Variants in PRDM16 observed in about 807,000 individuals in gnomAD.
PRDM16 encodes the protein PR/SET domain 16.
In PRDM16, 23 loss-of-function variants were observed where a neutral mutation model predicts 110.6. That is an observed-to-expected ratio of 0.21 (90% CI 0.15 to 0.29). The LOEUF is 0.29. Among genes scored for constraint, PRDM16 ranks in the 10% least tolerant of loss-of-function variants. PRDM16 has a pLI of 1.00. For synonymous variants in PRDM16, 799 were observed against 781.8 expected, an observed-to-expected ratio of 1.02 and a Z score of -0.37; for missense variants, 1,615 against 1,794.3, an observed-to-expected ratio of 0.90 and a Z score of 1.81.
At chr1:3,204,903 G>T (rs991848921) in intron 2 of PRDM16, among the ~76,000 whole-genome samples, 2 of 152,218 alleles carry the variant, frequency 1.3e-5, no homozygotes, top group Non-Finnish European at 2.9e-5. Flanking sequence ...CGTTGGGGGG[G>T]GCCCTCGCCG....
chr1:3,325,006 C>T, intron 3 of PRDM16, among the ~76,000 whole-genome samples: 1 of 152,166 alleles, frequency 6.6e-6, no homozygotes, highest in East Asian at 1.9e-4. Flanking sequence ...CCTGGTAGCG[C>T]ACAGTTTCTG....
intron 1 of PRDM16, among the ~76,000 whole-genome samples, chr1:3,185,657 A>G (rs1357541100): frequency 2.6e-5 from 4 of 152,228 alleles, no homozygotes; most frequent in African/African-American, 7.2e-5. Flanking sequence ...CCTGATTTCC[A>G]AGGCTATAGA....
At chr1:3,203,582 CG>C (rs140417015) in intron 2 of PRDM16, among the ~76,000 whole-genome samples, 26,147 of 151,366 alleles carry the variant, frequency 0.17, 3,909 homozygotes, top group African/African-American at 0.41. Flanking sequence ...TTTCTCTCCC[CG>C]GGGGGGCCAG....
chr1:3,226,767 G>A (rs1375065069), intron 2 of PRDM16, among the ~76,000 whole-genome samples: 2 of 152,178 alleles, frequency 1.3e-5, no homozygotes, highest in East Asian at 3.9e-4. Flanking sequence ...ATAAACCCCT[G>A]CACGCCTTCG....
intron 4 of PRDM16, among the ~76,000 whole-genome samples, chr1:3,386,152 C>CGGGGTGCCG (rs1391064294): frequency 1.3e-5 from 2 of 149,794 alleles, no homozygotes. Context: ...TCGGGGTGCC[C>CGGGGTGCCG]GGGGTGCCCG....
chr1:3,371,973 C>G (rs16823665), intron 3 of PRDM16, among the ~76,000 whole-genome samples: 7,116 of 150,540 alleles, frequency 0.047, 517 homozygotes, highest in African/African-American at 0.17. Flanking sequence ...GCACTGGCCT[C>G]TCCAGAGAAT....
At chr1:3,321,602 T>G (rs1453708118) in intron 3 of PRDM16, among the ~76,000 whole-genome samples, 3 of 142,736 alleles carry the variant, frequency 2.1e-5, no homozygotes, top group Non-Finnish European at 4.6e-5. Flanking sequence ...TCTGGGGGGT[T>G]GCACATGTAT....
chr1:3,096,553 C>A lies in PRDM16; in HGVS notation c.37+27257C>A, dbSNP rs545771516. On this transcript the variant is annotated intron_variant, in intron 1 of 16. Transcript: ENST00000270722. ...AGCCTGAGCTTCCCCTCTGCACCTG[C>A]CTCTTCCTCTTTTGCCGGCTGGGGC... is the stretch of plus-strand genomic sequence containing the variant. Among the ~76,000 whole-genome samples the A allele has an allele frequency of 3.9e-5, 6 of 152,326 alleles. No homozygotes were observed. In the East Asian group the frequency reaches 1.2e-3, roughly 29 times the overall value.
chr1:3,279,561 T>C (rs1640665991), intron 3 of PRDM16, among the ~76,000 whole-genome samples: 1 of 152,134 alleles, frequency 6.6e-6, no homozygotes, highest in African/African-American at 2.4e-5. Flanking sequence ...GGGCTCTCTG[T>C]GGATGACAAA....
At chr1:3,169,123 G>A (rs1193058302) in intron 1 of PRDM16, among the ~76,000 whole-genome samples, 1 of 152,226 alleles carries the variant, frequency 6.6e-6, no homozygotes, top group African/African-American at 2.4e-5. Flanking sequence ...CAAGTGTGGT[G>A]TGTGGCCCTG....
At position 3,290,915 on chromosome 1, in the gene PRDM16, A is replaced by G. The variant is rs927024227; in HGVS notation, c.438+46778A>G. Among the ~76,000 whole-genome samples the G allele has an allele frequency of 3.3e-5, 5 of 152,092 alleles. No individual in the cohort carries two copies. The highest frequency in any genetic ancestry group is 1.2e-4 in the African/African-American group (5 of 41,420). On this transcript the variant is annotated intron_variant, in intron 3 of 16. Transcript: ENST00000270722. This position sits in a 1 kb window ranked among gnomAD's most constrained non-coding sequence, Gnocchi z 4.8. ...TGATGGTTACGGAAATTAGTGGTGC[A>G]GAAATCCATACTCATCATTCATCGG...
chr1:3,270,398 T>C (rs192436534), intron 3 of PRDM16, among the ~76,000 whole-genome samples: 1 of 119,828 alleles, frequency 8.3e-6, no homozygotes, highest in African/African-American at 3.6e-5. Context: ...AGGAGGACAG[T>C]CAGGAGGAGG....
intron 1 of PRDM16, among the ~76,000 whole-genome samples, chr1:3,137,755 C>T (rs1246137679): frequency 6.6e-6 from 1 of 152,260 alleles, no homozygotes; most frequent in African/African-American, 2.4e-5. Context: ...CGCAGAGTGC[C>T]TTTCTAATCC....
At chr1:3,111,243 GAGA>G (rs1642784885) in intron 1 of PRDM16, among the ~76,000 whole-genome samples, 1 of 152,166 alleles carries the variant, frequency 6.6e-6, no homozygotes, top group South Asian at 2.1e-4. Context: ...GAGACGCGGA[GAGA>G]AGGGAAAGAG....
At chr1:3,235,736 G>A (rs1256059400) in intron 2 of PRDM16, among the ~76,000 whole-genome samples, 1 of 152,234 alleles carries the variant, frequency 6.6e-6, no homozygotes, top group Non-Finnish European at 1.5e-5. Flanking sequence ...AGGACGGCGG[G>A]GGCGGGGTGT....
chr1:3,084,789 C>T (rs1570222069), intron 1 of PRDM16, among the ~76,000 whole-genome samples: 1 of 152,212 alleles, frequency 6.6e-6, no homozygotes. Flanking sequence ...TCTCGGGCGT[C>T]CCCCTTGGAT....
Position 3,208,802 on chromosome 1 carries a change from G to C in PRDM16, c.387+22328G>C. 6.6e-6 allele frequency: 1 copy of C among 152,334 alleles called. No individual in the cohort carries two copies. Among genetic ancestry groups the C allele is most frequent in the East Asian group, 1.9e-4 (1 of 5,204 alleles). 9.4% of individuals were successfully genotyped at this position (152,334 alleles called of 1,614,324 possible). On this transcript the variant is annotated intron_variant, in intron 2 of 16. Coordinates refer to ENST00000270722, the MANE Select transcript of PRDM16 (RefSeq NM_022114.4). This position sits in a 1 kb window ranked among gnomAD's most constrained non-coding sequence, Gnocchi z 6.1. ...TATGGGCCACCATCCCCTTTGTGGG[G>C]TTTGTCCTTTGGAACCATCTCCACC...
chr1:3,129,695 AG>A (rs533392319), intron 1 of PRDM16, among the ~76,000 whole-genome samples: 42 of 152,300 alleles, frequency 2.8e-4, no homozygotes, highest in Middle Eastern at 6.8e-3. Flanking sequence ...GGTAGGGGCA[AG>A]GTCCTCCTCT....
At chr1:3,343,120 G>A (rs565776665) in intron 3 of PRDM16, among the ~76,000 whole-genome samples, 2 of 151,494 alleles carry the variant, frequency 1.3e-5, no homozygotes, top group South Asian at 2.1e-4. Flanking sequence ...CAGCGGCAAT[G>A]TGTGAGTGTT....
Sources: allele counts gnomAD v4.1 joint callset (sites outside exome capture counted in the v4.1 genomes callset), GRCh38; gene constraint gnomAD v4.1.1; non-coding constraint Gnocchi (gnomAD v3.1); transcripts MANE v1.5; gene names NCBI Gene and HGNC (gene_info 2026-07-23, HGNC 2026-07-21).